Variants in CBR4 observed in about 807,000 individuals in gnomAD.
The protein encoded by CBR4 is 3-oxoacyl-[acyl-carrier-protein] reductase.
A neutral mutation model predicts 21.0 loss-of-function variants in CBR4; 22 were observed. The ratio of observed to expected loss-of-function variants is 1.05; its 90% CI spans 0.75 to 1.50. CBR4 has a LOEUF of 1.50. Ranked by LOEUF, CBR4 falls within the 40% of genes most tolerant of loss-of-function variation. The pLI, the probability that CBR4 is intolerant of heterozygous loss-of-function variation, is 0.00. For synonymous variants in CBR4, 100 were observed against 104.4 expected, an observed-to-expected ratio of 0.96 and a Z score of 0.26; for missense variants, 302 against 286.3, an observed-to-expected ratio of 1.05 and a Z score of -0.40.
At chr4:168,947,493 A>T (rs542966032) in intron 2 of CBR4, among the ~76,000 whole-genome samples, 23 of 152,126 alleles carry the variant, frequency 1.5e-4, no homozygotes, top group Non-Finnish European at 3.1e-4. Flanking sequence ...TCACCCGAGC[A>T]GTACACACTG....
intron 2 of CBR4, among the ~76,000 whole-genome samples, chr4:168,958,554 T>C (rs1411496112): frequency 6.6e-6 from 1 of 152,248 alleles, no homozygotes; most frequent in African/African-American, 2.4e-5. Flanking sequence ...TGTGAACACG[T>C]ATTTTTATTT....
chr4:169,006,471 C>G (rs1242699793), intron 3 of CBR4, among the ~76,000 whole-genome samples: 1 of 152,236 alleles, frequency 6.6e-6, no homozygotes, highest in Non-Finnish European at 1.5e-5. Context: ...CTCCACCATT[C>G]CATATGGGCT....
intron 2 of CBR4, among the ~76,000 whole-genome samples, chr4:168,966,649 C>T (rs10029991): frequency 0.69 from 105,053 of 152,136 alleles, 37,652 homozygotes; most frequent in East Asian, 0.96. Flanking sequence ...GACAATGTGG[C>T]GACTCAAGGA....
At chr4:168,909,274 A>C (rs1758421085) in intron 2 of CBR4, among the ~76,000 whole-genome samples, 1 of 152,164 alleles carries the variant, frequency 6.6e-6, no homozygotes. Context: ...ATGTTTCCTC[A>C]AACTGCATTA....
At chr4:168,920,247 A>C (rs539474442) in intron 2 of CBR4, among the ~76,000 whole-genome samples, 2 of 152,302 alleles carry the variant, frequency 1.3e-5, no homozygotes, top group South Asian at 4.1e-4. Context: ...TCAGAAGCCA[A>C]GCTGCCTAAC....
chr4:168,914,858 C>T (rs1234147341), intron 2 of CBR4, among the ~76,000 whole-genome samples: 1 of 152,172 alleles, frequency 6.6e-6, no homozygotes, highest in Non-Finnish European at 1.5e-5. Context: ...TGCATCCACA[C>T]AGACTTTTGT....
At chr4:168,960,804 G>C (rs1763827991) in intron 2 of CBR4, among the ~76,000 whole-genome samples, 1 of 152,226 alleles carries the variant, frequency 6.6e-6, no homozygotes, top group Non-Finnish European at 1.5e-5. Context: ...TTAGAAGAGA[G>C]AGTACCTCTT....
intron 2 of CBR4, among the ~76,000 whole-genome samples, chr4:168,915,362 T>A (rs1215707134): frequency 6.6e-6 from 1 of 152,220 alleles, no homozygotes; most frequent in Non-Finnish European, 1.5e-5. Flanking sequence ...TTGTACAATC[T>A]CATTTTTTAA....
At chr4:168,984,263 A>C (rs771430946), downstream of CBR4, among the ~76,000 whole-genome samples, 17 of 152,172 alleles carry the variant, frequency 1.1e-4, no homozygotes, top group Non-Finnish European at 2.4e-4. Flanking sequence ...TATACAAATA[A>C]TATCCAAGCT....
At chr4:168,949,339 G>A (rs902322625) in intron 2 of CBR4, among the ~76,000 whole-genome samples, 16 of 152,068 alleles carry the variant, frequency 1.1e-4, no homozygotes, top group African/African-American at 2.9e-4. Context: ...CTTCTTTACC[G>A]ATTTGGATAC....
At chr4:168,984,652 C>T (rs959221474), downstream of CBR4, among the ~76,000 whole-genome samples, 3 of 152,262 alleles carry the variant, frequency 2.0e-5, no homozygotes, top group East Asian at 5.8e-4. Context: ...CACTACTCAA[C>T]TTCAAAATAT....
chr4:168,900,373 A>G (rs1756239088), intron 2 of CBR4, among the ~76,000 whole-genome samples: 1 of 152,220 alleles, frequency 6.6e-6, no homozygotes, highest in Admixed American at 6.5e-5. Flanking sequence ...AACCTCTAAA[A>G]TAACTTTAAA....
intron 2 of CBR4, among the ~76,000 whole-genome samples, chr4:168,958,147 C>T (rs1235634051): frequency 1.3e-5 from 2 of 151,956 alleles, no homozygotes; most frequent in Non-Finnish European, 2.9e-5. Context: ...ACCTGTAATC[C>T]CAGCTACTCG....
intron 4 of CBR4, among the ~76,000 whole-genome samples, chr4:168,995,283 CCTT>C (rs1231027439): frequency 6.6e-6 from 1 of 152,130 alleles, no homozygotes; most frequent in Non-Finnish European, 1.5e-5. Context: ...ACTGATCAGC[CCTT>C]CTTCTGGGTG....
intron 2 of CBR4, among the ~76,000 whole-genome samples, chr4:168,919,942 G>A (rs2126438524): frequency 6.6e-6 from 1 of 152,250 alleles, no homozygotes; most frequent in African/African-American, 2.4e-5. Flanking sequence ...ACTATCCACT[G>A]GGTAGGTTCA....
chr4:168,938,852 A>T (rs1763183274), intron 2 of CBR4, among the ~76,000 whole-genome samples: 1 of 152,208 alleles, frequency 6.6e-6, no homozygotes, highest in South Asian at 2.1e-4. Context: ...TTCACAGCCA[A>T]ATTCTACCAG....
chr4:168,935,362 C>T (rs1412803826), intron 2 of CBR4, among the ~76,000 whole-genome samples: 2 of 152,208 alleles, frequency 1.3e-5, no homozygotes, highest in Non-Finnish European at 2.9e-5. Flanking sequence ...GAGCTAGCTG[C>T]AGGAGTTTCT....
chr4:168,966,980 A>G (rs1030563427), intron 2 of CBR4, among the ~76,000 whole-genome samples: 19 of 149,804 alleles, frequency 1.3e-4, no homozygotes, highest in African/African-American at 4.5e-4. Flanking sequence ...GCGCCACTGC[A>G]CTCCAGCCTG....
intron 2 of CBR4, among the ~76,000 whole-genome samples, chr4:168,919,979 G>A (rs377204402): frequency 5.3e-5 from 8 of 152,262 alleles, no homozygotes; most frequent in East Asian, 3.9e-4. Context: ...TTGAGAGTAC[G>A]CGTGCTTTGG....
Sources: allele counts gnomAD v4.1 joint callset (sites outside exome capture counted in the v4.1 genomes callset), GRCh38; gene constraint gnomAD v4.1.1; transcripts MANE v1.5; gene names NCBI Gene and HGNC (gene_info 2026-07-23, HGNC 2026-07-21).